The following TTC17 variants were observed in gnomAD, a reference collection of about 807,000 sequenced individuals.
TTC17 encodes tetratricopeptide repeat domain 17, also known as tetratricopeptide repeat protein 17.
Under a neutral mutation model 143.8 loss-of-function variants are expected in TTC17, and 58 were observed. That is an observed-to-expected ratio of 0.40 (90% CI 0.33 to 0.50). The LOEUF is 0.50. Among genes scored for constraint, TTC17 ranks in the 20% least tolerant of loss-of-function variants. The probability of loss-of-function intolerance (pLI) is 0.49; values close to 1 mark genes in which losing one functional copy is unlikely to be tolerated. For synonymous variants in TTC17, 501 were observed against 497.8 expected (o/e 1.01, Z -0.09); for missense variants, 1,273 against 1,392.5 (o/e 0.91, Z 1.37).
chr11:43,368,968 T>G (rs773444494), intron 1 of TTC17, among the ~76,000 whole-genome samples: 2 of 152,238 alleles, frequency 1.3e-5, no homozygotes, highest in African/African-American at 2.4e-5. Flanking sequence ...TGTCCTTGCT[T>G]CTTCCTCTGC....
chr11:43,359,217 C>T, intron 1 of TTC17, 104 bp downstream of exon 1: 1 of 1,381,274 alleles, frequency 7.2e-7, no homozygotes, highest in Non-Finnish European at 9.5e-7. Flanking sequence ...CGCCCCCAGC[C>T]TACCCTCACA....
At chr11:43,401,995 A>AT (rs1857880329) in intron 10 of TTC17, among the ~76,000 whole-genome samples, 1 of 114,870 alleles carries the variant, frequency 8.7e-6, no homozygotes, top group East Asian at 2.0e-4. Flanking sequence ...AAATAAATAA[A>AT]TAAATAAATA....
chr11:43,451,072 C>A, intron 20 of TTC17, 110 bp from the exon 21 acceptor site: 1 of 977,680 alleles, frequency 1.0e-6, no homozygotes, highest in Non-Finnish European at 1.5e-6. Flanking sequence ...AGCATGTATC[C>A]CAGAAAAACA....
chr11:43,484,796 C>T (rs916426421), intron 21 of TTC17, among the ~76,000 whole-genome samples: 2 of 152,110 alleles, frequency 1.3e-5, no homozygotes, highest in Non-Finnish European at 2.9e-5. Flanking sequence ...TCCCAGGCCA[C>T]GGATGGGTAC....
In TTC17 at chr11:43,386,694, G is replaced by A. The variant is rs112572146; in HGVS notation, c.250-2958G>A. Among the ~76,000 whole-genome samples the A allele has an allele frequency of 4.0e-3, 616 of 152,250 alleles. 4 individuals are homozygous for A. The highest frequency in any genetic ancestry group is 0.014 in the African/African-American group (583 of 41,530). ...AGCTACAAACTAAAAGCTGATACTT[G>A]CCATGCATATAACTCATAGAGGATG... On this transcript the variant is annotated intron_variant, in intron 2 of 23. Coordinates refer to ENST00000039989, the MANE Select transcript of TTC17 (RefSeq NM_018259.6).
At chr11:43,415,565 TAATC>T (rs1946760092) in intron 16 of TTC17, among the ~76,000 whole-genome samples, 1 of 152,182 alleles carries the variant, frequency 6.6e-6, no homozygotes, top group African/African-American at 2.4e-5. Flanking sequence ...TTATAATATT[TAATC>T]AGATGGATAT....
At chr11:43,426,791 A>AT (rs1947038783) in intron 16 of TTC17, among the ~76,000 whole-genome samples, 1 of 152,198 alleles carries the variant, frequency 6.6e-6, no homozygotes, top group South Asian at 2.1e-4. Flanking sequence ...GAGGAGAAAA[A>AT]AAGACAAAAT....
chr11:43,461,949 A>G (rs1947875517), intron 21 of TTC17, among the ~76,000 whole-genome samples: 1 of 152,220 alleles, frequency 6.6e-6, no homozygotes, highest in Non-Finnish European at 1.5e-5. Context: ...AGAACATTTG[A>G]TTAATCCAAA....
intron 21 of TTC17, among the ~76,000 whole-genome samples, chr11:43,464,477 ATAAC>A (rs1353926449): frequency 6.6e-6 from 1 of 152,208 alleles, no homozygotes; most frequent in African/African-American, 2.4e-5. Flanking sequence ...AAAAAGATGA[ATAAC>A]TAACTTTTTT....
intron 20 of TTC17, among the ~76,000 whole-genome samples, chr11:43,450,621 G>T (rs1947639882): frequency 6.6e-6 from 1 of 152,026 alleles, no homozygotes; most frequent in Admixed American, 6.5e-5. Context: ...TAGAAGAATT[G>T]GAAAAACACA....
In TTC17 at chr11:43,399,917, A is replaced by G; in HGVS notation, c.1088A>G (p.Lys363Arg). The G allele has an allele frequency of 6.2e-7, 1 of 1,613,702 alleles. No individual in the cohort carries two copies. Among genetic ancestry groups the G allele is most frequent in the Non-Finnish European group, 8.5e-7 (1 of 1,179,828 alleles). The change falls in exon 9 of 24, where the codon AAA becomes AGA. Residue 363 changes from lysine (K) to arginine (R), a missense_variant. Physicochemically the swap from Lys to Arg is conservative, Grantham distance 26. Transcript: ENST00000039989. Reference sequence around the variant, plus strand: ...CTCCAGCGAACACTGAATGAGTTAAAAGAGTATCAAAAGCAGCATGACCAC... The same window carrying G: ...CTCCAGCGAACACTGAATGAGTTAAGAGAGTATCAAAAGCAGCATGACCAC... ...RSLQRTLNELKEYQKQHDHYL... is the reference protein window; with the variant it reads ...RSLQRTLNELREYQKQHDHYL...
chr11:43,382,428 A>G (rs1857006044), intron 2 of TTC17, among the ~76,000 whole-genome samples: 6 of 152,312 alleles, frequency 3.9e-5, no homozygotes, highest in Non-Finnish European at 1.5e-5. Context: ...AATAATATGT[A>G]GTTGGGTTGG....
chr11:43,484,091 G>A (rs924121520), intron 21 of TTC17, among the ~76,000 whole-genome samples: 27 of 152,232 alleles, frequency 1.8e-4, no homozygotes, highest in African/African-American at 5.5e-4. Context: ...GCAGTGAGCC[G>A]AGATTGTGTC....
rs1327672146 is a variant in TTC17 at position 43,374,471 on chromosome 11, AC to A, written c.160-4761del. ...TTCTGCACAGCAAAAGAAACTATCA[AC>A]AGAGTAAACCTATAGAATGGGAGAA... On this transcript the variant is annotated intron_variant, in intron 1 of 23. Coordinates refer to ENST00000039989, the MANE Select transcript of TTC17 (RefSeq NM_018259.6). Among the ~76,000 whole-genome samples, 5 of 152,124 alleles carry A rather than the reference AC, an allele frequency of 3.3e-5. No individual in the cohort carries two copies. In the East Asian group the frequency reaches 9.6e-4, roughly 29 times the overall value.
chr11:43,430,614 T>C (rs1001679272), intron 16 of TTC17, among the ~76,000 whole-genome samples: 10 of 151,972 alleles, frequency 6.6e-5, no homozygotes, highest in African/African-American at 2.2e-4. Flanking sequence ...GGGGCTTAGA[T>C]ATGCTAAGGA....
At chr11:43,375,679 T>C (rs1360252833) in intron 1 of TTC17, among the ~76,000 whole-genome samples, 1 of 150,278 alleles carries the variant, frequency 6.7e-6, no homozygotes, top group Admixed American at 6.8e-5. Flanking sequence ...TCAGTATATA[T>C]GAAGAATAAG....
At chr11:43,390,617 AAAAAAAT>A (rs1180351139) in intron 3 of TTC17, among the ~76,000 whole-genome samples, 75 of 151,610 alleles carry the variant, frequency 4.9e-4, no homozygotes, top group Admixed American at 1.3e-3. Flanking sequence ...CTCCGTCTCA[AAAAAAAT>A]AAAAAATAAA....
chr11:43,436,416 G>A, intron 16 of TTC17: 1 of 1,182,136 alleles, frequency 8.5e-7, no homozygotes, highest in South Asian at 4.2e-5. Flanking sequence ...CTACTTTTAA[G>A]AATTTGTTTT....
intron 18 of TTC17, 133 bp from the exon 19 acceptor site, chr11:43,447,869 A>G (rs1047346022): frequency 9.3e-7 from 1 of 1,074,322 alleles, no homozygotes; most frequent in Non-Finnish European, 1.3e-6. Flanking sequence ...TAGATGGGGG[A>G]AATGTTAAAG....
Sources: gnomAD v4.1 joint callset for allele counts (sites outside exome capture counted in the v4.1 genomes callset) on GRCh38, gnomAD v4.1.1 for gene constraint, MANE v1.5 for transcripts, NCBI Gene and HGNC (gene_info 2026-07-23, HGNC 2026-07-21) for gene names.